The following PUS10 variants were observed in gnomAD, a reference collection of about 807,000 sequenced individuals.
PUS10 encodes tRNA pseudouridine synthase Pus10.
PUS10 carries 59 observed loss-of-function variants against 75.0 expected under a neutral mutation model. That is an observed-to-expected ratio of 0.79 (90% CI 0.64 to 0.98). PUS10 has a LOEUF of 0.98. Ranked by LOEUF, PUS10 falls within the 50% of genes least tolerant of loss-of-function variation. The pLI is 0.00. For synonymous variants in PUS10, 219 were observed against 211.6 expected (o/e 1.03, Z -0.30); for missense variants, 650 against 614.4 (o/e 1.06, Z -0.61).
intron 4 of PUS10, among the ~76,000 whole-genome samples, chr2:60,993,961 T>C (rs917763121): frequency 6.6e-6 from 1 of 152,036 alleles, no homozygotes. Context: ...GGCAAATTTT[T>C]TGTATTTTTA....
At chr2:60,973,789 C>T (rs1248902547) in intron 4 of PUS10, among the ~76,000 whole-genome samples, 2 of 152,236 alleles carry the variant, frequency 1.3e-5, no homozygotes, top group Non-Finnish European at 2.9e-5. Flanking sequence ...AACTTGTGGT[C>T]CTTTTTCCAG....
chr2:60,986,720 C>A (rs1677744511), intron 4 of PUS10, among the ~76,000 whole-genome samples: 1 of 152,186 alleles, frequency 6.6e-6, no homozygotes, highest in African/African-American at 2.4e-5. Context: ...CTGCCATCTC[C>A]TTTTCTTTCC....
At position 60,969,256 on chromosome 2, in the gene PUS10, C is replaced by T. The variant is rs143020002; in HGVS notation, c.504-1643G>A. ...ATTTTTTCCCTCCAGATTATAGAGC[C>T]AGAGGAAAAGGTTAACAGACAGCTT... On this transcript the variant is annotated intron_variant, in intron 5 of 17. Transcript: ENST00000316752. Among the ~76,000 whole-genome samples, 32 of 152,210 alleles carry T rather than the reference C, an allele frequency of 2.1e-4. No homozygotes were observed. The East Asian group carries it at 6.2e-3, about 29-fold the overall frequency.
chr2:60,954,676 A>G (rs1675542000), intron 12 of PUS10, among the ~76,000 whole-genome samples: 1 of 152,258 alleles, frequency 6.6e-6, no homozygotes, highest in Non-Finnish European at 1.5e-5. Flanking sequence ...GAAGATGTAC[A>G]TTCTGAAAAC....
chr2:60,944,549 T>G (rs1355802404), intron 17 of PUS10, among the ~76,000 whole-genome samples: 4 of 152,208 alleles, frequency 2.6e-5, no homozygotes, highest in Non-Finnish European at 5.9e-5. Context: ...TTACAATTAC[T>G]TTAGAATTTA....
intron 4 of PUS10, among the ~76,000 whole-genome samples, chr2:60,995,575 T>A (rs887603357): frequency 6.6e-6 from 1 of 152,190 alleles, no homozygotes; most frequent in Non-Finnish European, 1.5e-5. Flanking sequence ...GAAGTTCCCC[T>A]TTTCAGCAAC....
intron 7 of PUS10, 24 bp downstream of exon 7, chr2:60,965,399 G>T: frequency 1.3e-6 from 2 of 1,582,458 alleles, no homozygotes; most frequent in South Asian, 1.1e-5. Flanking sequence ...TTACACCATT[G>T]ACGTTGTTTA....
chr2:60,961,947 C>G (rs1338690094), intron 9 of PUS10, among the ~76,000 whole-genome samples: 2 of 152,220 alleles, frequency 1.3e-5, no homozygotes, highest in Non-Finnish European at 2.9e-5. Flanking sequence ...CCCCCCTTAT[C>G]ACATCATCGT....
At chr2:60,983,466 G>A (rs1677531033) in intron 4 of PUS10, among the ~76,000 whole-genome samples, 1 of 152,058 alleles carries the variant, frequency 6.6e-6, no homozygotes, top group South Asian at 2.1e-4. Context: ...ATCACCTGAG[G>A]TCAGGAGTTT....
intron 4 of PUS10, among the ~76,000 whole-genome samples, chr2:60,976,741 G>C (rs532978391): frequency 6.6e-6 from 1 of 152,266 alleles, no homozygotes; most frequent in African/African-American, 2.4e-5. Context: ...AGCATTGCTG[G>C]ATTATTCAAT....
At chr2:60,942,455 A>G in intron 17 of PUS10, 22 bp from the exon 18 acceptor site, 1 of 1,586,254 alleles carries the variant, frequency 6.3e-7, no homozygotes, top group Non-Finnish European at 8.7e-7. Context: ...AAAAGAAGTC[A>G]TTAAAACAGA....
chr2:61,018,170 C>G lies in PUS10; in HGVS notation c.-178G>C, dbSNP rs534181108. On this transcript the variant is annotated 5_prime_UTR_variant, in exon 1 of 18. Coordinates refer to ENST00000316752, the MANE Select transcript of PUS10 (RefSeq NM_144709.4). ...TGTTTTCACTTTGACAGAATGGCTTCTCTATCTTTAAAGCGTAGACTTTGG... is the reference window on the plus strand; with the variant it reads ...TGTTTTCACTTTGACAGAATGGCTTGTCTATCTTTAAAGCGTAGACTTTGG... The G allele has an allele frequency of 6.4e-7, 1 of 1,550,630 alleles. No homozygotes were observed. Among genetic ancestry groups the G allele is most frequent in the African/African-American group, 1.4e-5 (1 of 73,112 alleles).
chr2:61,014,915 AT>A (rs1341391072), intron 1 of PUS10, among the ~76,000 whole-genome samples: 2 of 152,218 alleles, frequency 1.3e-5, no homozygotes, highest in Non-Finnish European at 2.9e-5. Flanking sequence ...CTTGCACAAA[AT>A]AATGAGGAAG....
At chr2:61,017,420 C>T (rs904617658) in intron 1 of PUS10, 1 of 224,394 alleles carries the variant, frequency 4.5e-6, no homozygotes. Flanking sequence ...CGGCTTTACT[C>T]CCAGCCCGAC....
chr2:60,990,217 T>A (rs1436398580), intron 4 of PUS10, among the ~76,000 whole-genome samples: 1 of 152,164 alleles, frequency 6.6e-6, no homozygotes, highest in Non-Finnish European at 1.5e-5. Flanking sequence ...AGTATTACTA[T>A]TTATGAAAAG....
At chr2:60,971,848 TTTTC>T (rs1330712753) in intron 4 of PUS10, among the ~76,000 whole-genome samples, 5 of 151,406 alleles carry the variant, frequency 3.3e-5, no homozygotes, top group Admixed American at 6.6e-5. Flanking sequence ...GAGTGTTTCT[TTTTC>T]TTTCTTTCTT....
chr2:61,017,651 G>C, intron 1 of PUS10: 1 of 795,680 alleles, frequency 1.3e-6, no homozygotes. Flanking sequence ...AAGGGTGGGC[G>C]GGGTGGACGG....
At chr2:61,001,421 T>G (rs902194622) in intron 4 of PUS10, among the ~76,000 whole-genome samples, 1 of 151,980 alleles carries the variant, frequency 6.6e-6, no homozygotes, top group Non-Finnish European at 1.5e-5. Flanking sequence ...GGACTACAGG[T>G]GCACACCACC....
intron 4 of PUS10, among the ~76,000 whole-genome samples, chr2:60,987,330 A>G (rs1300069531): frequency 6.6e-6 from 1 of 152,194 alleles, no homozygotes. Context: ...TTCCTGTCCA[A>G]TTTAAATCCT....
Sources: gnomAD v4.1 joint callset for allele counts (sites outside exome capture counted in the v4.1 genomes callset) on GRCh38, gnomAD v4.1.1 for gene constraint, MANE v1.5 for transcripts, NCBI Gene and HGNC (gene_info 2026-07-23, HGNC 2026-07-21) for gene names.